Variants in OCA2 observed in about 807,000 individuals in gnomAD.
OCA2 encodes P protein.
In OCA2, 77 loss-of-function variants were observed where a neutral mutation model predicts 100.2. That is an observed-to-expected ratio of 0.77 (90% CI 0.64 to 0.93). OCA2 has a LOEUF of 0.93. OCA2 is among the 40% of genes least tolerant of loss of function. The pLI, the probability that OCA2 is intolerant of heterozygous loss-of-function variation, is 0.00. For synonymous variants in OCA2, 432 were observed against 439.2 expected (o/e 0.98, Z 0.21); for missense variants, 1,062 against 1,089.1 (o/e 0.98, Z 0.35).
intron 9 of OCA2, among the ~76,000 whole-genome samples, chr15:28,001,213 C>T (rs949980720): frequency 6.6e-6 from 1 of 151,942 alleles, no homozygotes; most frequent in Non-Finnish European, 1.5e-5. Flanking sequence ...CCTAAGTGTC[C>T]ACAATGGATG....
Position 28,073,249 on chromosome 15 carries a change from A to G in OCA2, c.227+8399T>C, listed in dbSNP as rs1183915559. ...GCCAACACGGTGAAACCCCGTCTCT[A>G]TTAAAAATACAAAAATTAGCTGGGC... is the stretch of plus-strand genomic sequence containing the variant. On this transcript the variant is annotated intron_variant, in intron 2 of 23. Transcript: ENST00000354638. Among the ~76,000 whole-genome samples, 5 of 152,290 alleles carry G rather than the reference A, an allele frequency of 3.3e-5. No individual in the cohort carries two copies. In the East Asian group the frequency reaches 9.7e-4, roughly 29 times the overall value.
At position 27,788,867 on chromosome 15, in the gene OCA2, T is replaced by C. The variant is rs144686243; in HGVS notation, c.2433-33395A>G. Among the ~76,000 whole-genome samples the C allele has an allele frequency of 1.6e-3, 249 of 152,184 alleles. 1 individual carries two copies. The highest frequency in any genetic ancestry group is 5.2e-3 in the East Asian group (27 of 5,182). On this transcript the variant is annotated intron_variant, in intron 23 of 23. Coordinates refer to ENST00000354638, the MANE Select transcript of OCA2 (RefSeq NM_000275.3). ...AATTCCTTTGTTGCTATTTTTACTTTGTGTTTTCAATTTGTTTTTAGTAAT... is the reference window on the plus strand; with the variant it reads ...AATTCCTTTGTTGCTATTTTTACTTCGTGTTTTCAATTTGTTTTTAGTAAT...
At chr15:28,094,856 GC>G (rs2044941966) in intron 1 of OCA2, among the ~76,000 whole-genome samples, 1 of 152,236 alleles carries the variant, frequency 6.6e-6, no homozygotes, top group Non-Finnish European at 1.5e-5. Flanking sequence ...CCGCAGCCGT[GC>G]CCAGGGCGGA....
chr15:27,965,638 C>T (rs1051422777), intron 15 of OCA2, among the ~76,000 whole-genome samples: 2 of 152,126 alleles, frequency 1.3e-5, no homozygotes, highest in African/African-American at 4.8e-5. Flanking sequence ...CTGTAAAACA[C>T]AGGCCAGCAG....
At chr15:27,813,777 G>A (rs756547185) in intron 23 of OCA2, among the ~76,000 whole-genome samples, 3 of 152,160 alleles carry the variant, frequency 2.0e-5, no homozygotes, top group Non-Finnish European at 2.9e-5. Context: ...TCTTCAGAAA[G>A]CACTGATCTA....
chr15:27,966,085 C>T (rs1037761998), intron 15 of OCA2, among the ~76,000 whole-genome samples: 5 of 152,222 alleles, frequency 3.3e-5, no homozygotes, highest in Non-Finnish European at 5.9e-5. Flanking sequence ...ATTCTCCTGC[C>T]TCAGCCTCCT....
At chr15:27,924,475 A>G (rs967994963) in intron 19 of OCA2, among the ~76,000 whole-genome samples, 1 of 152,162 alleles carries the variant, frequency 6.6e-6, no homozygotes. Context: ...ACTATTATAT[A>G]TGTTAGGCAT....
chr15:27,988,586 T>C (rs1404281658), intron 11 of OCA2, among the ~76,000 whole-genome samples: 1 of 152,160 alleles, frequency 6.6e-6, no homozygotes, highest in East Asian at 1.9e-4. Context: ...CACCGTGATC[T>C]CGGACTTGCA....
intron 19 of OCA2, among the ~76,000 whole-genome samples, chr15:27,910,478 G>A (rs538552768): frequency 6.6e-6 from 1 of 152,186 alleles, no homozygotes; most frequent in South Asian, 2.1e-4. Context: ...TCACAAAATG[G>A]GGTACTATAT....
At chr15:27,948,782 T>G (rs2039931062) in intron 18 of OCA2, among the ~76,000 whole-genome samples, 1 of 152,100 alleles carries the variant, frequency 6.6e-6, no homozygotes, top group Non-Finnish European at 1.5e-5. Context: ...GAACCATTGA[T>G]GCACACAGCA....
intron 1 of OCA2, among the ~76,000 whole-genome samples, chr15:28,088,065 AG>A (rs1477811330): frequency 6.6e-6 from 1 of 151,804 alleles, no homozygotes; most frequent in Non-Finnish European, 1.5e-5. Context: ...TGCATCTCAA[AG>A]GAAAAAAAAA....
intron 19 of OCA2, among the ~76,000 whole-genome samples, chr15:27,888,893 C>T (rs904436726): frequency 6.6e-6 from 1 of 151,986 alleles, no homozygotes; most frequent in African/African-American, 2.4e-5. Context: ...TGTAGTGATA[C>T]AGAGCAAAAA....
intron 22 of OCA2, 147 bp from the exon 23 acceptor site, chr15:27,845,199 AC>A: frequency 1.4e-6 from 1 of 692,210 alleles, no homozygotes; most frequent in Non-Finnish European, 2.6e-6. Flanking sequence ...ATATCTGGAA[AC>A]ACACACACAC....
chr15:27,890,702 AAAG>A (rs2037420332), intron 19 of OCA2, among the ~76,000 whole-genome samples: 1 of 152,208 alleles, frequency 6.6e-6, no homozygotes, highest in Admixed American at 6.5e-5. Context: ...AGATTGGCTA[AAAG>A]AAGTTCTTCA....
intron 2 of OCA2, among the ~76,000 whole-genome samples, chr15:28,063,605 A>AT (rs2043939742): frequency 6.6e-6 from 1 of 152,016 alleles, no homozygotes; most frequent in Non-Finnish European, 1.5e-5. Flanking sequence ...TGCTGAGAGG[A>AT]TTACAATTAT....
chr15:28,023,844 C>CG, intron 5 of OCA2, among the ~76,000 whole-genome samples: 1 of 150,628 alleles, frequency 6.6e-6, no homozygotes, highest in East Asian at 2.0e-4. Flanking sequence ...GGACCACACA[C>CG]AACCTACACA....
chr15:28,031,049 T>C (rs917205602), intron 3 of OCA2, among the ~76,000 whole-genome samples: 5 of 152,162 alleles, frequency 3.3e-5, no homozygotes, highest in African/African-American at 1.2e-4. Flanking sequence ...GACTATCACA[T>C]TGTCTAACAT....
intron 18 of OCA2, among the ~76,000 whole-genome samples, chr15:27,941,524 G>C (rs1177768913): frequency 1.4e-5 from 2 of 145,282 alleles, no homozygotes; most frequent in Non-Finnish European, 3.0e-5. Flanking sequence ...TTAACCTGTG[G>C]GTACTCAATG....
chr15:27,939,210 TTTC>T (rs1333949893), intron 18 of OCA2, among the ~76,000 whole-genome samples: 4 of 152,364 alleles, frequency 2.6e-5, no homozygotes, highest in African/African-American at 9.6e-5. Context: ...TCATAGCTGT[TTTC>T]TTAACTTACT....
Sources: allele counts gnomAD v4.1 joint callset (sites outside exome capture counted in the v4.1 genomes callset), GRCh38; gene constraint gnomAD v4.1.1; transcripts MANE v1.5; gene names NCBI Gene and HGNC (gene_info 2026-07-23, HGNC 2026-07-21).